KCTD15: variants seen among roughly 807,000 people sequenced by gnomAD.
KCTD15 encodes potassium channel tetramerization domain containing 15, also known as BTB/POZ domain-containing protein KCTD15.
A neutral mutation model predicts 27.2 loss-of-function variants in KCTD15; 11 were observed. The ratio of observed to expected loss-of-function variants is 0.41; its 90% CI spans 0.25 to 0.67. KCTD15 has a LOEUF of 0.67. KCTD15 is among the 30% of genes least tolerant of loss of function. The pLI is 0.35. For missense variants in KCTD15, 350 were observed against 409.3 expected, an observed-to-expected ratio of 0.86 and a Z score of 1.25; for synonymous variants, 163 against 176.0, an observed-to-expected ratio of 0.93 and a Z score of 0.58.
chr19:33,815,212 A>G lies in KCTD15; in HGVS notation c.*2264A>G, dbSNP rs1292012117. On this transcript the variant is annotated 3_prime_UTR_variant, in exon 7 of 7. Coordinates refer to ENST00000683859, the MANE Select transcript of KCTD15 (RefSeq NM_001129994.2). ...AAAATTTATTAATAAAGAAGGGGAAAAAGGAGTAACTCTACCTGACTAAAT... is the reference window on the plus strand; with the variant it reads ...AAAATTTATTAATAAAGAAGGGGAAGAAGGAGTAACTCTACCTGACTAAAT... 6.6e-6 allele frequency: 1 copy of G among 152,216 alleles called. No individual in the cohort carries two copies. Among genetic ancestry groups the G allele is most frequent in the African/African-American group, 2.4e-5 (1 of 41,450 alleles). The allele number at this position is 152,216 out of a possible 1,614,324, so 9.4% of individuals were successfully genotyped here. A position where few individuals can be genotyped will look rare whatever the true frequency, so the allele number is the denominator to read the frequency against.
At chr19:33,801,647 G>T (rs1975551950) in intron 4 of KCTD15, 6 of 284,134 alleles carry the variant, frequency 2.1e-5, no homozygotes, top group Admixed American at 2.1e-4. Context: ...GCCGGCAGCG[G>T]GCAGGGGAGT....
At chr19:33,804,471 C>T (rs1172171597) in intron 4 of KCTD15, among the ~76,000 whole-genome samples, 1 of 143,400 alleles carries the variant, frequency 7.0e-6, no homozygotes, top group Non-Finnish European at 1.5e-5. Context: ...CTTACATGGA[C>T]TTTGGAGCTC....
upstream of KCTD15, chr19:33,795,924 A>AGGGGCAGC (rs1350153067): frequency 1.3e-5 from 2 of 149,768 alleles, no homozygotes; most frequent in East Asian, 2.0e-4. Context: ...GTCACGGGAG[A>AGGGGCAGC]GGGGCAGCGG....
intron 4 of KCTD15, among the ~76,000 whole-genome samples, chr19:33,801,952 A>G (rs1490577359): frequency 6.6e-6 from 1 of 152,084 alleles, no homozygotes; most frequent in Non-Finnish European, 1.5e-5. Context: ...ATACCTCATC[A>G]GTGGATAAAG....
At position 33,813,508 on chromosome 19, in the gene KCTD15, CCTGCAGGGCTGGGG is replaced by C; in HGVS notation, c.*563_*576del. On this transcript the variant is annotated 3_prime_UTR_variant, in exon 7 of 7. Coordinates refer to ENST00000683859, the MANE Select transcript of KCTD15 (RefSeq NM_001129994.2). Reference sequence around the variant, plus strand: ...GCTGCCTGGCATTCAGGCCCAGATGCCTGCAGGGCTGGGGCTCTCGGGACAGATGCAGGGATGTG... The same window carrying C: ...GCTGCCTGGCATTCAGGCCCAGATGCCTCTCGGGACAGATGCAGGGATGTG... The C allele has an allele frequency of 2.4e-6, 1 of 420,680 alleles. No individual in the cohort carries two copies. Among genetic ancestry groups the C allele is most frequent in the Non-Finnish European group, 4.7e-6 (1 of 210,648 alleles). The allele number at this position is 420,680 out of a possible 1,614,324, so 26.1% of individuals were successfully genotyped here.
At chr19:33,797,895 A>C (rs933989124) in intron 1 of KCTD15, among the ~76,000 whole-genome samples, 2 of 152,132 alleles carry the variant, frequency 1.3e-5, no homozygotes, top group African/African-American at 4.8e-5. Flanking sequence ...CGAGCTTCCC[A>C]TCTGTGGTCT....
upstream of KCTD15, among the ~76,000 whole-genome samples, chr19:33,794,706 A>G (rs1975266723): frequency 6.6e-6 from 1 of 152,242 alleles, no homozygotes; most frequent in Non-Finnish European, 1.5e-5. Context: ...TTGTGATTCT[A>G]GCCAGCATTT....
chr19:33,805,736 A>G (rs1975690057), intron 4 of KCTD15, among the ~76,000 whole-genome samples: 1 of 152,080 alleles, frequency 6.6e-6, no homozygotes, highest in African/African-American at 2.4e-5. Context: ...CCTGTTCCCA[A>G]ACCAAGCCCT....
intron 4 of KCTD15, among the ~76,000 whole-genome samples, chr19:33,804,354 A>G (rs537748178): frequency 1.3e-5 from 2 of 152,334 alleles, no homozygotes; most frequent in Non-Finnish European, 2.9e-5. Flanking sequence ...CCAGCCCTGG[A>G]ATGTGGGTGC....
chr19:33,811,835 T>G, intron 6 of KCTD15: 1 of 1,607,382 alleles, frequency 6.2e-7, no homozygotes, highest in Non-Finnish European at 8.5e-7. Flanking sequence ...CAAAGCGTGC[T>G]TCATTTGACA....
chr19:33,809,753 C>G (rs1465015910), intron 5 of KCTD15, among the ~76,000 whole-genome samples: 2 of 152,086 alleles, frequency 1.3e-5, no homozygotes, highest in Non-Finnish European at 2.9e-5. Flanking sequence ...TGCCTGTAGT[C>G]TCAGCTGCTC....
chr19:33,812,402 T>C, intron 6 of KCTD15: 1 of 1,031,756 alleles, frequency 9.7e-7, no homozygotes, highest in Non-Finnish European at 1.2e-6. Flanking sequence ...GAACTCTCCA[T>C]TATTGGGGCA....
intron 5 of KCTD15, among the ~76,000 whole-genome samples, chr19:33,809,133 C>T (rs556157180): frequency 1.6e-4 from 24 of 152,000 alleles, no homozygotes; most frequent in East Asian, 3.9e-4. Flanking sequence ...AAAAATGAGC[C>T]GGGCGTGGTG....
intron 6 of KCTD15, chr19:33,812,472 C>T: frequency 8.7e-7 from 1 of 1,155,642 alleles, no homozygotes; most frequent in Non-Finnish European, 1.1e-6. Context: ...TTACACCCTA[C>T]AGAATAAAGA....
chr19:33,803,137 G>A (rs578182719), intron 4 of KCTD15, among the ~76,000 whole-genome samples: 60 of 152,332 alleles, frequency 3.9e-4, no homozygotes, highest in African/African-American at 1.4e-3. Flanking sequence ...GGGGCTCAAG[G>A]TGAATCTGTT....
Position 33,813,060 on chromosome 19 carries a change from T to A in KCTD15, c.*112T>A. On this transcript the variant is annotated 3_prime_UTR_variant, in exon 7 of 7. Coordinates refer to ENST00000683859, the MANE Select transcript of KCTD15 (RefSeq NM_001129994.2). ...TGAGACCGAGGGTGAGGCTGGAGGG[T>A]CCAAAGCTGGCCCAGCGAGCACCAG... is the stretch of plus-strand genomic sequence containing the variant. 1 of 1,171,720 alleles carries A rather than the reference T, an allele frequency of 8.5e-7. No homozygotes were observed. The highest frequency in any genetic ancestry group is 1.2e-6 in the Non-Finnish European group (1 of 822,732). 72.6% of individuals were successfully genotyped at this position (1,171,720 alleles called of 1,614,324 possible). A position where few individuals can be genotyped will look rare whatever the true frequency, so the allele number is the denominator to read the frequency against.
At chr19:33,797,265 TGTGTGTGTGTGTGTGTGTGCGCGC>T (rs963354810) in intron 1 of KCTD15, 8 of 294,584 alleles carry the variant, frequency 2.7e-5, no homozygotes, top group Admixed American at 4.5e-5. Flanking sequence ...TGTGTGTGTG[TGTGTGTGTGTGTGTGTGTGCGCGC>T]GCGCGCGCGC....
chr19:33,805,290 G>A (rs771816632), intron 4 of KCTD15, among the ~76,000 whole-genome samples: 1 of 152,142 alleles, frequency 6.6e-6, no homozygotes, highest in African/African-American at 2.4e-5. Flanking sequence ...CTCCATACCC[G>A]GGCAGACCAT....
chr19:33,812,219 C>T (rs1975948071), intron 6 of KCTD15: 42 of 1,069,248 alleles, frequency 3.9e-5, no homozygotes, highest in Non-Finnish European at 4.1e-5. Flanking sequence ...CTCACCCTCA[C>T]AGAGGCACAA....
Sources: allele counts gnomAD v4.1 joint callset (sites outside exome capture counted in the v4.1 genomes callset), GRCh38; gene constraint gnomAD v4.1.1; transcripts MANE v1.5; gene names NCBI Gene and HGNC (gene_info 2026-07-23, HGNC 2026-07-21).